MFSD11: variants seen among roughly 807,000 people sequenced by gnomAD.
MFSD11 encodes major facilitator superfamily domain containing 11, also known as UNC93-like protein MFSD11.
In MFSD11, 36 loss-of-function variants were observed where a neutral mutation model predicts 53.5. The ratio of observed to expected loss-of-function variants is 0.67; its 90% CI spans 0.52 to 0.89. MFSD11 has a LOEUF of 0.89. Ranked by LOEUF, MFSD11 falls within the 40% of genes least tolerant of loss-of-function variation. The pLI is 0.00. For missense variants in MFSD11, 530 were observed against 543.9 expected (o/e 0.97, Z 0.25); for synonymous variants, 186 against 184.9 (o/e 1.01, Z -0.05).
intron 2 of MFSD11, among the ~76,000 whole-genome samples, chr17:76,740,534 G>T (rs1264324227): frequency 6.6e-6 from 1 of 152,190 alleles, no homozygotes; most frequent in East Asian, 1.9e-4. Context: ...ATGCAGTCCT[G>T]GCTCGACATT....
chr17:76,759,090 A>C (rs112312576), intron 8 of MFSD11, among the ~76,000 whole-genome samples: 2,754 of 152,130 alleles, frequency 0.018, 92 homozygotes, highest in African/African-American at 0.061. Context: ...TACTAAAAAT[A>C]AAAAAATAAA....
chr17:76,736,809 G>A (rs1276177734), upstream of MFSD11: 7 of 1,576,388 alleles, frequency 4.4e-6, no homozygotes, highest in Non-Finnish European at 5.2e-6. Flanking sequence ...CTGCGGCTCC[G>A]GCGTCCGTAG....
chr17:76,783,404 A>G (rs996441931), downstream of MFSD11, among the ~76,000 whole-genome samples: 3 of 152,090 alleles, frequency 2.0e-5, no homozygotes, highest in African/African-American at 7.2e-5. Flanking sequence ...CTCTGTGAGT[A>G]TGAAAACATT....
intron 8 of MFSD11, among the ~76,000 whole-genome samples, chr17:76,760,981 G>A (rs558724200): frequency 7.2e-5 from 11 of 152,148 alleles, no homozygotes; most frequent in South Asian, 2.1e-4. Context: ...CGAGGTGGGC[G>A]GATCATGAGG....
the MFSD11 span, among the ~76,000 whole-genome samples, chr17:76,787,646 G>A: frequency 2.0e-5 from 3 of 149,880 alleles, no homozygotes; most frequent in Non-Finnish European, 3.0e-5. Context: ...ATGAGCTTTT[G>A]TTATATAATC....
chr17:76,755,604 C>T (rs1169178433), intron 8 of MFSD11, among the ~76,000 whole-genome samples: 2 of 151,388 alleles, frequency 1.3e-5, no homozygotes, highest in Non-Finnish European at 2.9e-5. Context: ...CCAGAAATGC[C>T]TGTAGCTTGT....
chr17:76,794,056 C>T, the MFSD11 span, among the ~76,000 whole-genome samples: 1 of 151,462 alleles, frequency 6.6e-6, no homozygotes, highest in East Asian at 1.9e-4. Flanking sequence ...TACTTTTAGC[C>T]CCAGGAGACC....
chr17:76,790,347 C>T, the MFSD11 span, among the ~76,000 whole-genome samples: 13,260 of 112,376 alleles, frequency 0.12, 2,323 homozygotes, highest in African/African-American at 0.37. Flanking sequence ...TTCTTTCTTT[C>T]TTTTTTTTTT....
intron 8 of MFSD11, among the ~76,000 whole-genome samples, chr17:76,756,127 T>G (rs2079603678): frequency 7.0e-6 from 1 of 142,288 alleles, no homozygotes; most frequent in African/African-American, 2.6e-5. Flanking sequence ...CCCAGATTTT[T>G]TTTTTTTTTT....
intron 7 of MFSD11, among the ~76,000 whole-genome samples, chr17:76,750,847 A>G (rs1013280649): frequency 6.7e-6 from 1 of 149,058 alleles, no homozygotes; most frequent in Non-Finnish European, 1.5e-5. Flanking sequence ...TCTCTCACCC[A>G]GGCTGGAGTG....
chr17:76,770,239 C>T (rs941320585), intron 10 of MFSD11, among the ~76,000 whole-genome samples: 1 of 151,910 alleles, frequency 6.6e-6, no homozygotes, highest in African/African-American at 2.4e-5. Flanking sequence ...GGGGTTTCAC[C>T]GCATTAGCCA....
At chr17:76,752,518 C>T (rs1049517378) in intron 7 of MFSD11, among the ~76,000 whole-genome samples, 12 of 151,628 alleles carry the variant, frequency 7.9e-5, no homozygotes, top group African/African-American at 2.7e-4. Flanking sequence ...GCTGGGATTA[C>T]AGGGGTGCAC....
At chr17:76,738,827 A>G in intron 1 of MFSD11, 111 bp from the exon 2 acceptor site, 1 of 806,974 alleles carries the variant, frequency 1.2e-6, no homozygotes, top group Non-Finnish European at 2.1e-6. Flanking sequence ...AGTATTAAGT[A>G]CATTATGAAC....
upstream of MFSD11, chr17:76,737,530 G>A (rs2077585685): frequency 7.0e-6 from 2 of 287,408 alleles, no homozygotes; most frequent in South Asian, 1.1e-4. Flanking sequence ...CTGGAGGGAG[G>A]GGGAGCGGAA....
chr17:76,744,247 G>C (rs1263350591), intron 6 of MFSD11, 75 bp from the exon 7 acceptor site: 10 of 1,406,116 alleles, frequency 7.1e-6, no homozygotes, highest in Non-Finnish European at 8.5e-6. Context: ...ACAGTTGTAA[G>C]CAGCCCTTGT....
rs72878200 is a variant in MFSD11 at position 76,769,313 on chromosome 17, G to A, written c.749-433G>A. 4.2e-3 allele frequency: 657 copies of A among 155,462 alleles called. 3 individuals carry two copies. The highest frequency in any genetic ancestry group is 6.6e-3 in the Non-Finnish European group (465 of 70,554). The allele number at this position is 155,462 out of a possible 1,614,324, so 9.6% of individuals were successfully genotyped here. On this transcript the variant is annotated intron_variant, in intron 9 of 12. Transcript: ENST00000685175. ...GTCTGAGAGCAGGATGCCACCATGC[G>A]CAGCTTGTGGTGTGGGCTGTTCCTG... is the stretch of plus-strand genomic sequence containing the variant.
chr17:76,761,152 CCGAGAT>C (rs2080194113), intron 8 of MFSD11, among the ~76,000 whole-genome samples: 1 of 152,058 alleles, frequency 6.6e-6, no homozygotes, highest in Non-Finnish European at 1.5e-5. Flanking sequence ...TTGCAGTGAG[CCGAGAT>C]CGTGCTGTTG....
chr17:76,767,509 A>T, intron 9 of MFSD11, 58 bp downstream of exon 9: 1 of 1,072,760 alleles, frequency 9.3e-7, no homozygotes, highest in Non-Finnish European at 1.4e-6. Flanking sequence ...AGGAGTTGAA[A>T]ACGAGCCACG....
In MFSD11 at chr17:76,778,436, A is replaced by G. The variant is rs1293311571; in HGVS notation, c.*84A>G. On this transcript the variant is annotated 3_prime_UTR_variant, in exon 13 of 13. Transcript: ENST00000685175. Reference sequence around the variant, plus strand: ...GTGGAAGAAGTCGCCTTTGATCTTCACTATATATTGGGTGATGTTCAGTAT... The same window carrying G: ...GTGGAAGAAGTCGCCTTTGATCTTCGCTATATATTGGGTGATGTTCAGTAT... 2 of 1,343,850 alleles carry G rather than the reference A, an allele frequency of 1.5e-6. No homozygotes were observed. The highest frequency in any genetic ancestry group is 2.1e-6 in the Non-Finnish European group (2 of 951,472). The allele number at this position is 1,343,850 out of a possible 1,614,324, so 83.2% of individuals were successfully genotyped here. A position where few individuals can be genotyped will look rare whatever the true frequency, so the allele number is the denominator to read the frequency against.
Sources: allele counts gnomAD v4.1 joint callset (sites outside exome capture counted in the v4.1 genomes callset), GRCh38; gene constraint gnomAD v4.1.1; transcripts MANE v1.5; gene names NCBI Gene and HGNC (gene_info 2026-07-23, HGNC 2026-07-21).